Variants in IFT74 observed in about 807,000 individuals in gnomAD.
IFT74 encodes the protein intraflagellar transport 74.
Under a neutral mutation model 96.7 loss-of-function variants are expected in IFT74, and 92 were observed. The ratio of observed to expected loss-of-function variants is 0.95; its 90% confidence interval spans 0.80 to 1.13. The LOEUF is 1.13. IFT74 is among the 50% of genes most tolerant of loss of function. The pLI is 0.00. For synonymous variants in IFT74, 223 were observed against 213.2 expected (o/e 1.05, Z -0.40); for missense variants, 811 against 698.2 (o/e 1.16, Z -1.82).
chr9:27,041,839 C>G (rs1819494489), intron 13 of IFT74, among the ~76,000 whole-genome samples: 2 of 152,158 alleles, frequency 1.3e-5, no homozygotes, highest in African/African-American at 4.8e-5. Context: ...AATGCTCTGA[C>G]CACTCTCCTT....
chr9:27,048,173 C>A lies in IFT74; in HGVS notation c.1232C>A (p.Ser411Tyr), dbSNP rs1819774425. 6.3e-7 allele frequency: 1 copy of A among 1,597,316 alleles called. No homozygotes were observed. Among genetic ancestry groups the A allele is most frequent in the Admixed American group, 1.7e-5 (1 of 59,288 alleles). Residue 411 changes from serine (S) to tyrosine (Y), a missense_variant, in exon 16 of 20, where the codon TCC (serine) becomes TAC (tyrosine). Transcript: ENST00000380062. The part of the protein sequence containing the change: ...SRNINRIEQI[S>Y]SITNQELKMM... ...AATATAAATCGTATAGAACAGATAT[C>A]CTCTATCACCAATCAAGAGCTAAAG...
rs1820539076 is a variant in IFT74 at position 27,064,186 on chromosome 9, G to A, written c.*1450G>A. Among the ~76,000 whole-genome samples the A allele has an allele frequency of 6.6e-6, 1 of 152,068 alleles. No homozygotes were observed. Among genetic ancestry groups the A allele is most frequent in the African/African-American group, 2.4e-5 (1 of 41,438 alleles). ...TGTGTCATTCCAAGAAATAGACTTT[G>A]TACACCAAATAGACTTCATACACTA... On this transcript the variant is annotated 3_prime_UTR_variant, in exon 20 of 20. Coordinates refer to ENST00000380062, the MANE Select transcript of IFT74 (RefSeq NM_025103.4).
chr9:27,036,642 A>G (rs2131664508), intron 13 of IFT74: 2 of 1,414,642 alleles, frequency 1.4e-6, no homozygotes, highest in African/African-American at 1.5e-5. Context: ...TTCATCTGGC[A>G]TTTTATTCAT....
Position 27,055,700 on chromosome 9 carries a change from G to A in IFT74, c.1425G>A (p.Lys475=). 1 of 1,593,626 alleles carries A rather than the reference G, an allele frequency of 6.3e-7. No homozygotes were observed. Among genetic ancestry groups the A allele is most frequent in the Non-Finnish European group, 8.5e-7 (1 of 1,172,510 alleles). The change falls in exon 17 of 20, where the codon AAG becomes AAA. Residue 475 remains lysine (K), a synonymous_variant. Transcript: ENST00000380062. ...EEQHSLKSKI[K]QMTTDLEIYN... is the part of the protein sequence containing the mutation. ...AGCATTCTCTAAAAAGCAAAATTAAGCAAATGACAACTGATCTGGAGATAT... is the reference window on the plus strand; with the variant it reads ...AGCATTCTCTAAAAAGCAAAATTAAACAAATGACAACTGATCTGGAGATAT...
chr9:27,040,305 C>T (rs1448427964), intron 13 of IFT74, among the ~76,000 whole-genome samples: 1 of 152,066 alleles, frequency 6.6e-6, no homozygotes, highest in Admixed American at 6.6e-5. Context: ...AATCCCAGCA[C>T]TCTGGGAGGC....
intron 1 of IFT74, among the ~76,000 whole-genome samples, chr9:26,948,146 T>G (rs1825806386): frequency 6.6e-6 from 1 of 152,236 alleles, no homozygotes; most frequent in Admixed American, 6.5e-5. Context: ...GGGAGATCAT[T>G]CTTGAAATGC....
intron 7 of IFT74, among the ~76,000 whole-genome samples, chr9:26,989,427 A>C (rs1827774577): frequency 6.6e-6 from 1 of 152,198 alleles, no homozygotes; most frequent in Non-Finnish European, 1.5e-5. Context: ...AAAATATGTT[A>C]ATAGCTAGCT....
chr9:26,967,778 G>T (rs1288832702), intron 2 of IFT74, among the ~76,000 whole-genome samples: 2 of 152,018 alleles, frequency 1.3e-5, no homozygotes, highest in African/African-American at 4.8e-5. Context: ...TCTATACCTG[G>T]TTTTTTGAGG....
At chr9:26,961,546 A>G (rs1826361011) in intron 1 of IFT74, among the ~76,000 whole-genome samples, 2 of 152,196 alleles carry the variant, frequency 1.3e-5, no homozygotes, top group South Asian at 4.1e-4. Flanking sequence ...AGATTCTGTT[A>G]AAGTTAAGAA....
chr9:27,037,689 A>G (rs1348253120), intron 13 of IFT74, among the ~76,000 whole-genome samples: 1 of 152,226 alleles, frequency 6.6e-6, no homozygotes, highest in Admixed American at 6.5e-5. Context: ...AGCAGGTTAC[A>G]TGGTCAAGCC....
chr9:26,968,299 T>G (rs1238855335), intron 2 of IFT74, among the ~76,000 whole-genome samples: 1 of 151,898 alleles, frequency 6.6e-6, no homozygotes, highest in Non-Finnish European at 1.5e-5. Context: ...TCTCGCTCTG[T>G]TGCCCAGGCT....
chr9:27,005,352 T>TCCCCCCCCCCC (rs1443234170), intron 8 of IFT74, among the ~76,000 whole-genome samples: 2 of 18,950 alleles, frequency 1.1e-4, no homozygotes, highest in African/African-American at 3.4e-4. Flanking sequence ...TGAAACCATT[T>TCCCCCCCCCCC]CCCCCCCCGC....
intron 13 of IFT74, among the ~76,000 whole-genome samples, chr9:27,039,124 A>T (rs1819349990): frequency 6.6e-6 from 1 of 152,196 alleles, no homozygotes; most frequent in South Asian, 2.1e-4. Context: ...ACCAAATAGA[A>T]ATTATAATCG....
chr9:26,987,235 C>T (rs1041207384), intron 6 of IFT74, among the ~76,000 whole-genome samples: 1 of 151,824 alleles, frequency 6.6e-6, no homozygotes, highest in African/African-American at 2.4e-5. Context: ...TCCTGAGTAG[C>T]TGGGATTACA....
chr9:26,951,707 T>C (rs1220485844), upstream of IFT74, among the ~76,000 whole-genome samples: 1 of 152,172 alleles, frequency 6.6e-6, no homozygotes, highest in Non-Finnish European at 1.5e-5. Context: ...ACAACCACCC[T>C]GGGCAACACA....
chr9:26,996,204 G>A (rs921669981), intron 8 of IFT74: 18 of 718,662 alleles, frequency 2.5e-5, no homozygotes, highest in Non-Finnish European at 3.7e-5. Context: ...TTGAGATGAG[G>A]AATCTTTCTT....
intron 8 of IFT74, chr9:26,997,858 A>G (rs755462957): frequency 1.2e-6 from 2 of 1,614,192 alleles, no homozygotes; most frequent in South Asian, 1.1e-5. Flanking sequence ...AGCTAATCAA[A>G]TTGCCTTGCA....
Position 26,978,144 on chromosome 9 carries a change from C to A in IFT74, c.137C>A (p.Ala46Glu). Residue 46 changes from alanine (A) to glutamate (E), a missense_variant, in exon 3 of 20, where the codon GCA (alanine) becomes GAA (glutamate). Transcript: ENST00000380062. The part of the protein sequence containing the change: ...RVATAMPPGT[A>E]RPGSRGCPIG... ...GTCATTTAGATGCCACCTGGGACAGCAAGACCAGGTTCTCGTGGTTGTCCC... is the reference window on the plus strand; with the variant it reads ...GTCATTTAGATGCCACCTGGGACAGAAAGACCAGGTTCTCGTGGTTGTCCC... 6.2e-7 allele frequency: 1 copy of A among 1,601,618 alleles called. No homozygotes were observed. Among genetic ancestry groups the A allele is most frequent in the Non-Finnish European group, 8.5e-7 (1 of 1,177,538 alleles).
intron 8 of IFT74, chr9:26,999,496 C>G: frequency 1.4e-6 from 1 of 704,330 alleles, no homozygotes; most frequent in Non-Finnish European, 2.3e-6. Flanking sequence ...GCTAAATAAA[C>G]TCTTAATTTT....
Sources: gnomAD v4.1 joint callset for allele counts (sites outside exome capture counted in the v4.1 genomes callset) on GRCh38, gnomAD v4.1.1 for gene constraint, MANE v1.5 for transcripts, NCBI Gene and HGNC (gene_info 2026-07-23, HGNC 2026-07-21) for gene names.